The following THADA variants were observed in gnomAD, a reference collection of about 807,000 sequenced individuals.
The protein encoded by THADA is tRNA (32-2'-O)-methyltransferase regulator THADA.
In THADA, 213 loss-of-function variants were observed where a neutral mutation model predicts 219.8. The observed-to-expected ratio is 0.97, with a 90% CI of 0.87 to 1.09. The LOEUF (loss-of-function observed/expected upper bound fraction) is 1.09. THADA is among the 50% of genes least tolerant of loss of function. THADA has a pLI of 0.00. For missense variants in THADA, 2,956 were observed against 2,311.3 expected, an observed-to-expected ratio of 1.28 and a Z score of -5.72; for synonymous variants, 1,018 against 828.9, an observed-to-expected ratio of 1.23 and a Z score of -3.92.
chr2:43,490,411 CT>C (rs1416185843), intron 25 of THADA, among the ~76,000 whole-genome samples: 1 of 152,074 alleles, frequency 6.6e-6, no homozygotes. Context: ...TGTCTTGTTC[CT>C]GATTTTAGAG....
intron 22 of THADA, among the ~76,000 whole-genome samples, chr2:43,515,200 A>AATATATAATATATT (rs1691406104): frequency 2.1e-4 from 1 of 4,824 alleles, no homozygotes. Flanking sequence ...TATTATATAT[A>AATATATAATATATT]ATATATAATA....
intron 26 of THADA, among the ~76,000 whole-genome samples, chr2:43,451,633 C>A (rs946773265): frequency 6.6e-6 from 1 of 152,138 alleles, no homozygotes; most frequent in Non-Finnish European, 1.5e-5. Flanking sequence ...ACAAATCCTG[C>A]CCCTTCTTTT....
At chr2:43,501,307 CAAAAAAAAAAAAAAA>C (rs60448094) in intron 24 of THADA, among the ~76,000 whole-genome samples, 29 of 15,054 alleles carry the variant, frequency 1.9e-3, no homozygotes, top group South Asian at 0.017. Flanking sequence ...ACTCCAACTC[CAAAAAAAAAAAAAAA>C]AAAAAAAAAA....
rs528819924 is a variant in THADA, at chr2:43,438,549, A to G, written c.3837-8247T>C. Among the ~76,000 whole-genome samples, 6 of 152,330 alleles carry G rather than the reference A, an allele frequency of 3.9e-5. No individual in the cohort carries two copies. In the East Asian group the frequency reaches 1.2e-3, roughly 29 times the overall value. On this transcript the variant is annotated intron_variant, in intron 26 of 37. Coordinates refer to ENST00000405975, the MANE Select transcript of THADA (RefSeq NM_022065.5). ...ATAAACTCTTGAAAACGGGCATCAGAAGGCTTGTACAAGCATATGCACAGC... is the reference window on the plus strand; with the variant it reads ...ATAAACTCTTGAAAACGGGCATCAGGAGGCTTGTACAAGCATATGCACAGC...
chr2:43,281,413 T>C (rs1316442019), intron 35 of THADA, among the ~76,000 whole-genome samples: 1 of 151,664 alleles, frequency 6.6e-6, no homozygotes, highest in Non-Finnish European at 1.5e-5. Context: ...ATGACTTTGC[T>C]GTGCCCTTGA....
chr2:43,539,354 A>T (rs1695009988), intron 21 of THADA, among the ~76,000 whole-genome samples: 1 of 152,224 alleles, frequency 6.6e-6, no homozygotes, highest in South Asian at 2.1e-4. Context: ...TTTAACTCTT[A>T]AAGGTTTTAA....
intron 35 of THADA, among the ~76,000 whole-genome samples, chr2:43,285,215 G>A (rs1673846550): frequency 6.6e-6 from 1 of 152,228 alleles, no homozygotes; most frequent in Non-Finnish European, 1.5e-5. Context: ...TGAGATTCAG[G>A]AGGGGCCTGG....
intron 28 of THADA, among the ~76,000 whole-genome samples, chr2:43,423,435 C>CTTTTT (rs34481568): frequency 7.0e-6 from 1 of 142,194 alleles, no homozygotes; most frequent in East Asian, 2.0e-4. Context: ...TTCTTTCTTT[C>CTTTTT]TTTTTTTTTT....
intron 36 of THADA, among the ~76,000 whole-genome samples, chr2:43,260,135 C>T (rs1348920538): frequency 6.6e-6 from 1 of 152,184 alleles, no homozygotes; most frequent in African/African-American, 2.4e-5. Flanking sequence ...AAGTGCCCGC[C>T]ACCACATCCA....
intron 31 of THADA, among the ~76,000 whole-genome samples, chr2:43,310,212 TCCC>T (rs1677329649): frequency 5.2e-5 from 1 of 19,246 alleles, no homozygotes; most frequent in African/African-American, 1.9e-4. Flanking sequence ...CCTCCCTCCC[TCCC>T]TCCCTTTCCC....
chr2:43,491,903 C>T (rs188088869), intron 25 of THADA: 1 of 152,332 alleles, frequency 6.6e-6, no homozygotes, highest in African/African-American at 2.4e-5. Flanking sequence ...TTGATAGGAA[C>T]TTGGAATTCA....
intron 26 of THADA, among the ~76,000 whole-genome samples, chr2:43,472,960 A>G (rs1685085999): frequency 6.6e-6 from 1 of 152,210 alleles, no homozygotes; most frequent in Non-Finnish European, 1.5e-5. Flanking sequence ...CCACGAATGG[A>G]GCCTGCAGGA....
chr2:43,551,371 A>G (rs1696718289), intron 19 of THADA, among the ~76,000 whole-genome samples: 1 of 152,154 alleles, frequency 6.6e-6, no homozygotes, highest in Non-Finnish European at 1.5e-5. Context: ...GAATATCTGC[A>G]TTGTACTTAA....
At chr2:43,568,895 TA>T (rs201728280) in intron 14 of THADA, among the ~76,000 whole-genome samples, 1 of 151,968 alleles carries the variant, frequency 6.6e-6, no homozygotes, top group Non-Finnish European at 1.5e-5. Flanking sequence ...ATTAATTAAT[TA>T]AAAAAAATTT....
In THADA at chr2:43,404,772, ATCTGAGT is replaced by A. The variant is rs113593970; in HGVS notation, c.4059-6640_4059-6634del. Among the ~76,000 whole-genome samples the A allele has an allele frequency of 6.4e-3, 971 of 152,338 alleles. 4 individuals are homozygous for A. Among genetic ancestry groups the A allele is most frequent in the African/African-American group, 0.021 (852 of 41,560 alleles). On this transcript the variant is annotated intron_variant, in intron 28 of 37. Transcript: ENST00000405975. ...TGGAATCCAGCAGACCTAAGTTTAC[ATCTGAGT>A]TCTGACACTTACTAGTGTGTGACTT...
At chr2:43,282,005 A>T (rs1196385860) in intron 35 of THADA, among the ~76,000 whole-genome samples, 1 of 152,112 alleles carries the variant, frequency 6.6e-6, no homozygotes, top group Non-Finnish European at 1.5e-5. Context: ...CCTGGGGTCA[A>T]GTGATCTTCC....
chr2:43,384,572 G>A (rs1672413514), intron 29 of THADA, among the ~76,000 whole-genome samples: 1 of 152,156 alleles, frequency 6.6e-6, no homozygotes, highest in Non-Finnish European at 1.5e-5. Context: ...ATAAATTACT[G>A]CCTTGTATCT....
At chr2:43,553,395 A>G (rs1359099794) in intron 17 of THADA, among the ~76,000 whole-genome samples, 1 of 152,186 alleles carries the variant, frequency 6.6e-6, no homozygotes, top group African/African-American at 2.4e-5. Flanking sequence ...TCATGAGGTT[A>G]GGACCCTCAT....
intron 29 of THADA, among the ~76,000 whole-genome samples, chr2:43,351,577 CTG>C (rs746777955): frequency 4.3e-4 from 65 of 152,322 alleles, no homozygotes; most frequent in Admixed American, 1.4e-3. Context: ...TTTTAAAAAA[CTG>C]TTTAATCCCA....
Sources: gnomAD v4.1 joint callset for allele counts (sites outside exome capture counted in the v4.1 genomes callset) on GRCh38, gnomAD v4.1.1 for gene constraint, MANE v1.5 for transcripts, NCBI Gene and HGNC (gene_info 2026-07-23, HGNC 2026-07-21) for gene names.